Variants in CDK8 observed in about 807,000 individuals in gnomAD.
CDK8 encodes the protein cyclin dependent kinase 8.
CDK8 carries 29 observed loss-of-function variants against 71.5 expected under a neutral mutation model. The ratio of observed to expected loss-of-function variants is 0.41; its 90% confidence interval spans 0.30 to 0.55. CDK8 has a LOEUF of 0.55. CDK8 is among the 20% of genes least tolerant of loss of function. The pLI, the probability that CDK8 is intolerant of heterozygous loss-of-function variation, is 0.37. For missense variants in CDK8, 288 were observed against 572.6 expected (o/e 0.50, Z 5.07); for synonymous variants, 161 against 192.1 (o/e 0.84, Z 1.34).
chr13:26,371,908 G>C (rs944179747), intron 4 of CDK8, among the ~76,000 whole-genome samples: 1 of 152,058 alleles, frequency 6.6e-6, no homozygotes, highest in Non-Finnish European at 1.5e-5. Context: ...ATGAGCTACC[G>C]TGCCTGGCCA....
At chr13:26,396,741 A>G (rs1876013439) in intron 8 of CDK8, among the ~76,000 whole-genome samples, 1 of 152,144 alleles carries the variant, frequency 6.6e-6, no homozygotes. Context: ...TTAACAGAGA[A>G]GAATGGATAT....
intron 1 of CDK8, among the ~76,000 whole-genome samples, chr13:26,283,701 C>T (rs960621281): frequency 6.6e-6 from 1 of 151,980 alleles, no homozygotes; most frequent in African/African-American, 2.4e-5. Flanking sequence ...AGTTTGAGAC[C>T]AGCCTGGCCA....
intron 1 of CDK8, among the ~76,000 whole-genome samples, chr13:26,317,672 A>G (rs1191518585): frequency 6.6e-6 from 1 of 152,206 alleles, no homozygotes; most frequent in Non-Finnish European, 1.5e-5. Context: ...TGGAAATTAC[A>G]CAACACACTC....
intron 1 of CDK8, among the ~76,000 whole-genome samples, chr13:26,334,756 A>T (rs1872905321): frequency 1.3e-5 from 2 of 152,252 alleles, no homozygotes; most frequent in African/African-American, 4.8e-5. Context: ...ATAAAGGCTT[A>T]TTAATTTGTT....
At chr13:26,324,507 C>A (rs1874934485) in intron 1 of CDK8, among the ~76,000 whole-genome samples, 1 of 152,112 alleles carries the variant, frequency 6.6e-6, no homozygotes, top group Admixed American at 6.6e-5. Flanking sequence ...CAGAAATGTT[C>A]AGGTGCATTC....
At chr13:26,367,597 A>T (rs1874451936) in intron 4 of CDK8, among the ~76,000 whole-genome samples, 1 of 152,176 alleles carries the variant, frequency 6.6e-6, no homozygotes, top group Non-Finnish European at 1.5e-5. Flanking sequence ...GCACATAATA[A>T]ATGTTCATTA....
intron 1 of CDK8, among the ~76,000 whole-genome samples, chr13:26,286,327 G>A (rs1873018849): frequency 1.3e-5 from 2 of 152,166 alleles, no homozygotes; most frequent in South Asian, 4.1e-4. Context: ...GTAGACCAAT[G>A]GAACAGATGA....
intron 1 of CDK8, among the ~76,000 whole-genome samples, chr13:26,326,405 G>T (rs1160759542): frequency 6.6e-6 from 1 of 152,154 alleles, no homozygotes; most frequent in East Asian, 1.9e-4. Flanking sequence ...GTTAACAAGT[G>T]CCTGTTAACA....
intron 2 of CDK8, among the ~76,000 whole-genome samples, chr13:26,339,417 A>G (rs1225187812): frequency 1.3e-5 from 2 of 151,964 alleles, no homozygotes; most frequent in African/African-American, 4.8e-5. Context: ...ATACATTTGG[A>G]CTGTATTTCA....
At chr13:26,346,307 G>T (rs1320445874) in intron 2 of CDK8, among the ~76,000 whole-genome samples, 1 of 152,166 alleles carries the variant, frequency 6.6e-6, no homozygotes, top group Non-Finnish European at 1.5e-5. Flanking sequence ...AATTGTTGCT[G>T]CAGTGTTTTT....
chr13:26,390,250 T>A (rs912066597), intron 6 of CDK8, among the ~76,000 whole-genome samples: 3 of 152,192 alleles, frequency 2.0e-5, no homozygotes, highest in Non-Finnish European at 2.9e-5. Context: ...AACATACAGA[T>A]AATTTGCTGA....
intron 12 of CDK8, among the ~76,000 whole-genome samples, chr13:26,402,144 G>A (rs1271827690): frequency 6.6e-6 from 1 of 152,246 alleles, no homozygotes; most frequent in Non-Finnish European, 1.5e-5. Context: ...TGAAGCTGTA[G>A]TAAGGATTAA....
At chr13:26,376,893 G>A (rs1257037684) in intron 4 of CDK8, among the ~76,000 whole-genome samples, 4 of 152,180 alleles carry the variant, frequency 2.6e-5, no homozygotes, top group African/African-American at 7.2e-5. Context: ...GACCATTGAC[G>A]AAAGACCATT....
chr13:26,318,943 G>A (rs1874634662), intron 1 of CDK8, among the ~76,000 whole-genome samples: 1 of 152,122 alleles, frequency 6.6e-6, no homozygotes, highest in African/African-American at 2.4e-5. Context: ...GTGCATTATA[G>A]TACTGGAAGG....
intron 1 of CDK8, among the ~76,000 whole-genome samples, chr13:26,329,483 G>GTTTTTTTTTTTTT (rs543441898): frequency 4.7e-5 from 6 of 128,478 alleles, no homozygotes; most frequent in Non-Finnish European, 6.3e-5. Flanking sequence ...TTTTTTTTTT[G>GTTTTTTTTTTTTT]TTTTTTTTTT....
intron 2 of CDK8, among the ~76,000 whole-genome samples, chr13:26,338,377 G>T (rs527508493): frequency 6.6e-6 from 1 of 152,018 alleles, no homozygotes; most frequent in East Asian, 1.9e-4. Flanking sequence ...AAACAATTTT[G>T]CAAGTTTACT....
At chr13:26,332,352 G>T (rs1593268958) in intron 1 of CDK8, among the ~76,000 whole-genome samples, 1 of 152,022 alleles carries the variant, frequency 6.6e-6, no homozygotes, top group African/African-American at 2.4e-5. Flanking sequence ...AGGCATGGTG[G>T]TGCGTGCCTG....
At chr13:26,343,426 A>C (rs1289296179) in intron 2 of CDK8, among the ~76,000 whole-genome samples, 1 of 152,234 alleles carries the variant, frequency 6.6e-6, no homozygotes, top group Non-Finnish European at 1.5e-5. Context: ...AATGATTAAA[A>C]AAATGGCTGT....
At chr13:26,316,087 G>A (rs1874498491) in intron 1 of CDK8, among the ~76,000 whole-genome samples, 1 of 152,176 alleles carries the variant, frequency 6.6e-6, no homozygotes, top group African/African-American at 2.4e-5. Context: ...AGCCAGGCAC[G>A]TTGGATCATG....
Sources: gnomAD v4.1 joint callset for allele counts (sites outside exome capture counted in the v4.1 genomes callset) on GRCh38, gnomAD v4.1.1 for gene constraint, MANE v1.5 for transcripts, NCBI Gene and HGNC (gene_info 2026-07-23, HGNC 2026-07-21) for gene names.